The following UNC5D variants were observed in gnomAD, a reference collection of about 807,000 sequenced individuals.
The protein encoded by UNC5D is unc-5 netrin receptor D.
A neutral mutation model predicts 105.4 loss-of-function variants in UNC5D; 39 were observed. The ratio of observed to expected loss-of-function variants is 0.37; its 90% CI spans 0.29 to 0.48. UNC5D has a LOEUF of 0.48. Ranked by LOEUF, UNC5D falls within the 20% of genes least tolerant of loss-of-function variation. The pLI is 0.98. For missense variants in UNC5D, 991 were observed against 1,202.4 expected, an observed-to-expected ratio of 0.82 and a Z score of 2.60; for synonymous variants, 452 against 450.4, an observed-to-expected ratio of 1.00 and a Z score of -0.04.
intron 4 of UNC5D, among the ~76,000 whole-genome samples, chr8:35,617,500 A>G (rs535902102): frequency 6.6e-6 from 1 of 152,242 alleles, no homozygotes; most frequent in African/African-American, 2.4e-5. Flanking sequence ...CTTTCATTGC[A>G]TTGCACAGCT....
At chr8:35,388,929 G>T (rs578240096) in intron 1 of UNC5D, among the ~76,000 whole-genome samples, 56 of 152,300 alleles carry the variant, frequency 3.7e-4, no homozygotes, top group African/African-American at 1.3e-3. Context: ...AATGTTGAAA[G>T]CCTAAGGTTT....
rs768015401 is a variant in UNC5D, at chr8:35,636,903, C to T, written c.570+41246C>T. On this transcript the variant is annotated intron_variant, in intron 4 of 16. Coordinates refer to ENST00000404895, the MANE Select transcript of UNC5D (RefSeq NM_080872.4). ...GTGGGTAAGTCAAAAGGCAGTTTTACAGGCTGTTGCCTAGTGAGACCAGGA... is the reference window on the plus strand; with the variant it reads ...GTGGGTAAGTCAAAAGGCAGTTTTATAGGCTGTTGCCTAGTGAGACCAGGA... 1.6e-4 allele frequency among the ~76,000 whole-genome samples: 25 copies of T among 152,322 alleles called. 1 individual carries two copies. Among genetic ancestry groups the T allele is most frequent in the South Asian group, 1.0e-3 (5 of 4,828 alleles).
At chr8:35,314,289 T>C (rs901863936) in intron 1 of UNC5D, among the ~76,000 whole-genome samples, 1 of 152,114 alleles carries the variant, frequency 6.6e-6, no homozygotes, top group African/African-American at 2.4e-5. Flanking sequence ...CGAACATGAG[T>C]TTGATCAAGT....
At chr8:35,439,031 A>ATT (rs199586174) in intron 1 of UNC5D, among the ~76,000 whole-genome samples, 1 of 148,732 alleles carries the variant, frequency 6.7e-6, no homozygotes, top group Admixed American at 6.8e-5. Context: ...TCATACATTG[A>ATT]TTTTTTTTTT....
intron 4 of UNC5D, among the ~76,000 whole-genome samples, chr8:35,662,906 A>G (rs1217015434): frequency 1.3e-5 from 2 of 152,178 alleles, no homozygotes; most frequent in South Asian, 2.1e-4. Flanking sequence ...CCTCAACGCT[A>G]GATTCTCATA....
chr8:35,462,684 T>C (rs1182563642), intron 1 of UNC5D, among the ~76,000 whole-genome samples: 3 of 152,196 alleles, frequency 2.0e-5, no homozygotes, highest in African/African-American at 7.2e-5. Flanking sequence ...TTTCACCTGA[T>C]AGGAGAAAAA....
chr8:35,329,312 A>G (rs1173411296), intron 1 of UNC5D, among the ~76,000 whole-genome samples: 1 of 152,150 alleles, frequency 6.6e-6, no homozygotes, highest in East Asian at 1.9e-4. Context: ...GGAAGATTAC[A>G]TATTTCTGAT....
intron 11 of UNC5D, among the ~76,000 whole-genome samples, chr8:35,739,820 A>G (rs2131603041): frequency 6.6e-6 from 1 of 152,318 alleles, no homozygotes. Context: ...ATAGCCTAAT[A>G]AAAATACCCA....
chr8:35,529,422 A>G (rs1171553815), intron 1 of UNC5D, among the ~76,000 whole-genome samples: 2 of 149,546 alleles, frequency 1.3e-5, no homozygotes, highest in African/African-American at 5.0e-5. Flanking sequence ...CTGTTTTGGT[A>G]CCAGTACTAT....
intron 1 of UNC5D, among the ~76,000 whole-genome samples, chr8:35,543,237 T>C (rs933853357): frequency 2.0e-5 from 3 of 152,008 alleles, no homozygotes; most frequent in African/African-American, 7.2e-5. Flanking sequence ...AGAAAAAGCA[T>C]ACTTTGGAGA....
chr8:35,332,502 T>C (rs1252241918), intron 1 of UNC5D, among the ~76,000 whole-genome samples: 4 of 152,244 alleles, frequency 2.6e-5, no homozygotes, highest in Non-Finnish European at 5.9e-5. Flanking sequence ...TCTTGTTGGA[T>C]TTATGCAGCT....
At chr8:35,349,960 G>A (rs1272179176) in intron 1 of UNC5D, among the ~76,000 whole-genome samples, 1 of 151,992 alleles carries the variant, frequency 6.6e-6, no homozygotes, top group Non-Finnish European at 1.5e-5. Flanking sequence ...ACCAGCGGTT[G>A]TGTCTACATT....
chr8:35,482,389 T>C (rs1317533501), intron 1 of UNC5D, among the ~76,000 whole-genome samples: 1 of 152,210 alleles, frequency 6.6e-6, no homozygotes, highest in East Asian at 1.9e-4. Flanking sequence ...CATTTCTGTC[T>C]GTCTCCGAAG....
At chr8:35,718,400 T>C (rs1828378921) in intron 8 of UNC5D, among the ~76,000 whole-genome samples, 1 of 152,142 alleles carries the variant, frequency 6.6e-6, no homozygotes, top group Non-Finnish European at 1.5e-5. Context: ...TATAAACGTA[T>C]GTGTAAATGT....
At chr8:35,733,054 A>G (rs983163027) in intron 11 of UNC5D, among the ~76,000 whole-genome samples, 6 of 151,674 alleles carry the variant, frequency 4.0e-5, no homozygotes, top group Non-Finnish European at 8.8e-5. Flanking sequence ...AACACTTTAG[A>G]TCTGTGAGGT....
intron 1 of UNC5D, among the ~76,000 whole-genome samples, chr8:35,466,379 A>G (rs1275818421): frequency 5.9e-5 from 9 of 152,126 alleles, no homozygotes; most frequent in African/African-American, 1.9e-4. Context: ...CTGTGTATGC[A>G]TGTGTGTGCC....
At chr8:35,563,748 G>A (rs1239692718) in intron 2 of UNC5D, among the ~76,000 whole-genome samples, 2 of 151,730 alleles carry the variant, frequency 1.3e-5, no homozygotes, top group African/African-American at 2.4e-5. Context: ...GTTAGCTGTA[G>A]GTTTGTCATA....
At chr8:35,423,418 G>T (rs961247892) in intron 1 of UNC5D, among the ~76,000 whole-genome samples, 2 of 152,096 alleles carry the variant, frequency 1.3e-5, no homozygotes, top group Admixed American at 1.3e-4. Context: ...CCTACCTCAG[G>T]TTATAATAGA....
chr8:35,296,347 C>A (rs1231173066), intron 1 of UNC5D, among the ~76,000 whole-genome samples: 3 of 152,144 alleles, frequency 2.0e-5, no homozygotes, highest in African/African-American at 7.2e-5. Flanking sequence ...TTGATAGTAG[C>A]CATCCTAATA....
Sources: allele counts gnomAD v4.1 joint callset (sites outside exome capture counted in the v4.1 genomes callset), GRCh38; gene constraint gnomAD v4.1.1; transcripts MANE v1.5; gene names NCBI Gene and HGNC (gene_info 2026-07-23, HGNC 2026-07-21).